The following LRP11 variants were observed in gnomAD, a reference collection of about 807,000 sequenced individuals.
LRP11 encodes the protein low-density lipoprotein receptor-related protein 11.
In LRP11, 25 loss-of-function variants were observed where a neutral mutation model predicts 43.1. That is an observed-to-expected ratio of 0.58 (90% CI 0.42 to 0.81). The LOEUF (loss-of-function observed/expected upper bound fraction) is 0.81. Among genes scored for constraint, LRP11 ranks in the 30% least tolerant of loss-of-function variants. LRP11 has a pLI of 0.00. For synonymous variants in LRP11, 316 were observed against 299.4 expected, an observed-to-expected ratio of 1.06 and a Z score of -0.57; for missense variants, 623 against 665.1, an observed-to-expected ratio of 0.94 and a Z score of 0.70.
chr6:149,840,542 A>T (rs1485726437), intron 3 of LRP11, among the ~76,000 whole-genome samples: 1 of 152,230 alleles, frequency 6.6e-6, no homozygotes, highest in Non-Finnish European at 1.5e-5. Flanking sequence ...AAACCAGGAC[A>T]AACAAGTGGC....
intron 5 of LRP11, among the ~76,000 whole-genome samples, chr6:149,835,284 G>A (rs1318316519): frequency 6.6e-6 from 1 of 152,122 alleles, no homozygotes; most frequent in African/African-American, 2.4e-5. Flanking sequence ...GCTAAATTCT[G>A]TAATGCTTTA....
At position 149,863,529 on chromosome 6, in the gene LRP11, G is replaced by A. The variant is rs866664792; in HGVS notation, c.492C>T (p.Asn164=). The A allele has an allele frequency of 7.4e-7, 1 of 1,358,236 alleles. No individual in the cohort carries two copies. Among genetic ancestry groups the A allele is most frequent in the South Asian group, 1.8e-5 (1 of 55,138 alleles). 84.1% of individuals were successfully genotyped at this position (1,358,236 alleles called of 1,614,324 possible). ...AGACGTTGCGGCCGCGCGCCGTGCA[G>A]TTGAAGAGGTAGCAGCCGAGCACGG... ...PAAVLGCYLF[N]CTARGRNVCK... The change falls in exon 1 of 7, where the codon AAC becomes AAT. Residue 164 remains asparagine, a synonymous_variant. Coordinates refer to ENST00000239367, the MANE Select transcript of LRP11 (RefSeq NM_032832.6).
chr6:149,837,848 A>G (rs1222171157), intron 3 of LRP11, among the ~76,000 whole-genome samples: 1 of 152,172 alleles, frequency 6.6e-6, no homozygotes, highest in African/African-American at 2.4e-5. Flanking sequence ...ATTGCTCTGC[A>G]GGAGGGCACC....
chr6:149,845,764 CTTATCTGTCGGATAAGACCA>C (rs1776622798), intron 2 of LRP11, among the ~76,000 whole-genome samples: 2 of 61,948 alleles, frequency 3.2e-5, no homozygotes, highest in East Asian at 6.1e-3. Context: ...GGGCTCAGGT[CTTATCTGTCGGATAAGACCA>C]GGTCTTATCT....
rs200823832 is a variant in LRP11 at position 149,837,395 on chromosome 6, C to T, written c.982G>A (p.Ala328Thr). 4.0e-5 allele frequency: 65 copies of T among 1,613,956 alleles called. No individual in the cohort carries two copies. The highest frequency in any genetic ancestry group is 6.7e-5 in the East Asian group (3 of 44,884). ...GGACACTGCTGCACTCCATCGCAGG[C>T]GAGCGTGATGTCAATGCAGCAGCCA... ...DDGCCIDITL[A>T]CDGVQQCPDG... Residue 328 changes from alanine (A) to threonine (T), a missense_variant, in exon 4 of 7, where the codon GCC becomes ACC. Physicochemically the swap from Ala to Thr is moderately conservative, Grantham distance 58 (BLOSUM62 0). Transcript: ENST00000239367.
chr6:149,851,102 C>T (rs1776712228), intron 2 of LRP11, among the ~76,000 whole-genome samples: 1 of 152,142 alleles, frequency 6.6e-6, no homozygotes, highest in African/African-American at 2.4e-5. Flanking sequence ...CTAGTACAGG[C>T]CCTGTCATTT....
rs1018090437 is a variant in LRP11, at chr6:149,836,267, G to A, written c.1070C>T (p.Thr357Met). ...TCTTGGCAGGGCAGGACTAGCTGCC[G>A]TGTGGGTTACCATCTTGCGGTCCAG... ...LGLDRKMVTH[T>M]AASPALPRTT... Residue 357 changes from threonine to methionine, a missense_variant, in exon 5 of 7, where the codon ACG becomes ATG. Thr to Met is a moderately conservative substitution (Grantham distance 81). Coordinates refer to ENST00000239367, the MANE Select transcript of LRP11 (RefSeq NM_032832.6). The A allele has an allele frequency of 3.1e-6, 5 of 1,614,150 alleles. No homozygotes were observed. The highest frequency in any genetic ancestry group is 4.5e-5 in the East Asian group (2 of 44,884).
chr6:149,821,056 G>A (rs1319996033), intron 6 of LRP11, among the ~76,000 whole-genome samples: 2 of 149,518 alleles, frequency 1.3e-5, no homozygotes, highest in African/African-American at 2.5e-5. Context: ...TCAGCCTCCC[G>A]AGTAGCTGGG....
chr6:149,820,207 T>G lies in LRP11; in HGVS notation c.*342A>C, dbSNP rs915789540. The G allele has an allele frequency of 2.9e-5, 5 of 175,290 alleles. No individual in the cohort carries two copies. The highest frequency in any genetic ancestry group is 1.2e-4 in the Admixed American group (2 of 16,724). 10.9% of individuals were successfully genotyped at this position (175,290 alleles called of 1,614,324 possible). ...TCCAGCATGGTAAGGGGCCAACAGT[T>G]GGCTTCTAAAAGGTAATGGGTTAAC... On this transcript the variant is annotated 3_prime_UTR_variant, in exon 7 of 7. Coordinates refer to ENST00000239367, the MANE Select transcript of LRP11 (RefSeq NM_032832.6).
intron 5 of LRP11, among the ~76,000 whole-genome samples, chr6:149,833,165 C>A (rs888623936): frequency 6.6e-6 from 1 of 152,140 alleles, no homozygotes; most frequent in African/African-American, 2.4e-5. Context: ...TCTCGATCTC[C>A]TGACCTCATG....
intron 2 of LRP11, among the ~76,000 whole-genome samples, chr6:149,850,907 G>A (rs1242847181): frequency 1.3e-5 from 2 of 152,188 alleles, no homozygotes; most frequent in African/African-American, 4.8e-5. Context: ...AAATGGGGAT[G>A]TGCCTACAAG....
chr6:149,839,210 A>G (rs1402948830), intron 3 of LRP11, among the ~76,000 whole-genome samples: 1 of 151,970 alleles, frequency 6.6e-6, no homozygotes, highest in African/African-American at 2.4e-5. Context: ...CACATCTTTT[A>G]TTGAAACGTG....
At chr6:149,844,699 A>G (rs892828696) in intron 2 of LRP11, among the ~76,000 whole-genome samples, 3 of 152,228 alleles carry the variant, frequency 2.0e-5, no homozygotes, top group African/African-American at 7.2e-5. Flanking sequence ...ATGCGTTAAT[A>G]ATGGACTTTG....
chr6:149,837,509 C>G (rs770086608), intron 3 of LRP11, 46 bp from the exon 4 acceptor site: 1 of 1,597,198 alleles, frequency 6.3e-7, no homozygotes, highest in Non-Finnish European at 8.5e-7. Context: ...GAAGTTCAGA[C>G]TCTCAAGATG....
intron 2 of LRP11, chr6:149,852,551 G>A (rs1308931352): frequency 6.6e-6 from 1 of 152,326 alleles, no homozygotes; most frequent in Non-Finnish European, 1.5e-5. Context: ...TGCCCCAGCA[G>A]ACCTAGCTGC....
rs757108751 is a variant in LRP11, at chr6:149,842,403, GACA to G, written c.913+577_913+579del. Among the ~76,000 whole-genome samples, 133 of 152,226 alleles carry G rather than the reference GACA, an allele frequency of 8.7e-4. 1 individual carries two copies. The highest frequency in any genetic ancestry group is 3.4e-3 in the Middle Eastern group (1 of 294). On this transcript the variant is annotated intron_variant, in intron 3 of 6. Transcript: ENST00000239367. The stretch of plus-strand genomic sequence containing the variant: ...CCCCTACTTGTAATCTTTTTGTGAT[GACA>G]ACATTTAAAACCTACTGTTTTAGCA...
intron 1 of LRP11, among the ~76,000 whole-genome samples, chr6:149,859,751 CCTTTT>C (rs1776863407): frequency 1.3e-5 from 2 of 152,108 alleles, no homozygotes; most frequent in South Asian, 4.2e-4. Flanking sequence ...GTTTGCAATT[CCTTTT>C]GTTTCTTGAT....
chr6:149,859,396 A>ATTTTTTTTTTTTTTTT (rs1163759560), intron 1 of LRP11, among the ~76,000 whole-genome samples: 2 of 71,496 alleles, frequency 2.8e-5, no homozygotes, highest in African/African-American at 1.6e-4. Context: ...ATATATATAT[A>ATTTTTTTTTTTTTTTT]TTTTTTTTTT....
intron 5 of LRP11, among the ~76,000 whole-genome samples, chr6:149,830,572 A>C (rs1408297957): frequency 6.6e-6 from 1 of 152,260 alleles, no homozygotes; most frequent in Non-Finnish European, 1.5e-5. Flanking sequence ...ACAAAGCTTT[A>C]TTAAGGATGC....
Sources: gnomAD v4.1 joint callset for allele counts (sites outside exome capture counted in the v4.1 genomes callset) on GRCh38, gnomAD v4.1.1 for gene constraint, MANE v1.5 for transcripts, NCBI Gene and HGNC (gene_info 2026-07-23, HGNC 2026-07-21) for gene names.